The following OR1J2 variants were observed in gnomAD, a reference collection of about 807,000 sequenced individuals.
OR1J2 encodes olfactory receptor 1J2.
For missense variants in OR1J2, 304 were observed against 246.1 expected, an observed-to-expected ratio of 1.24 and a Z score of -1.57; for synonymous variants, 142 against 99.7, an observed-to-expected ratio of 1.42 and a Z score of -2.52.
the OR1J2 span, among the ~76,000 whole-genome samples, chr9:122,555,573 A>G: frequency 6.6e-6 from 1 of 152,194 alleles, no homozygotes; most frequent in East Asian, 1.9e-4. Flanking sequence ...CCAGTCACCC[A>G]GCTACACCAT....
the OR1J2 span, among the ~76,000 whole-genome samples, chr9:122,488,314 T>C: frequency 6.6e-6 from 1 of 152,136 alleles, no homozygotes; most frequent in African/African-American, 2.4e-5. Context: ...ATTTTTTGTA[T>C]TTTTAGTAGA....
chr9:122,449,398 C>G, the OR1J2 span, among the ~76,000 whole-genome samples: 1 of 152,120 alleles, frequency 6.6e-6, no homozygotes, highest in Non-Finnish European at 1.5e-5. Context: ...GAGACAGAGT[C>G]TCGCTCTGTC....
the OR1J2 span, chr9:122,568,436 G>A: frequency 6.2e-7 from 1 of 1,610,392 alleles, no homozygotes; most frequent in South Asian, 1.1e-5. Flanking sequence ...GTCCCAGGAG[G>A]ATAAACTCGG....
chr9:122,456,725 GA>G, the OR1J2 span, among the ~76,000 whole-genome samples: 3 of 152,186 alleles, frequency 2.0e-5, no homozygotes, highest in South Asian at 6.2e-4. Context: ...AGAAACAACA[GA>G]TGCTGATGAG....
chr9:122,453,171 G>T, the OR1J2 span, among the ~76,000 whole-genome samples: 1 of 152,176 alleles, frequency 6.6e-6, no homozygotes, highest in African/African-American at 2.4e-5. Context: ...AAGCTGAGCA[G>T]ATGCTGGTGT....
the OR1J2 span, chr9:122,526,406 C>G: frequency 6.6e-7 from 1 of 1,513,054 alleles, no homozygotes; most frequent in Non-Finnish European, 8.8e-7. Flanking sequence ...TTAGGGCCCC[C>G]TTCATGTCCT....
downstream of OR1J2, among the ~76,000 whole-genome samples, chr9:122,516,300 C>CTTTTTTTT (rs1278693220): frequency 2.9e-5 from 3 of 104,162 alleles, 1 homozygote; most frequent in African/African-American, 1.2e-4. Context: ...CATACATGGT[C>CTTTTTTTT]TTTTTTTTTT....
the OR1J2 span, among the ~76,000 whole-genome samples, chr9:122,541,971 C>T: frequency 1.3e-5 from 2 of 152,340 alleles, no homozygotes; most frequent in African/African-American, 4.8e-5. Context: ...AGCCAGAACA[C>T]TCCCTCTTGC....
the OR1J2 span, among the ~76,000 whole-genome samples, chr9:122,505,139 A>G: frequency 6.6e-6 from 1 of 152,220 alleles, no homozygotes; most frequent in East Asian, 1.9e-4. Context: ...AGCTGCCCGC[A>G]TATAAGCTCT....
chr9:122,472,758 G>T, the OR1J2 span, among the ~76,000 whole-genome samples: 1 of 152,212 alleles, frequency 6.6e-6, no homozygotes, highest in African/African-American at 2.4e-5. Context: ...TATTTGAAAA[G>T]ACATTTAAAA....
At chr9:122,470,125 G>T in the OR1J2 span, among the ~76,000 whole-genome samples, 1 of 152,224 alleles carries the variant, frequency 6.6e-6, no homozygotes, top group African/African-American at 2.4e-5. Flanking sequence ...GACAATGGGG[G>T]AAGTGTCTCC....
At chr9:122,550,562 T>G in the OR1J2 span, among the ~76,000 whole-genome samples, 2 of 73,012 alleles carry the variant, frequency 2.7e-5, no homozygotes, top group South Asian at 1.1e-3. Context: ...ATCAAGTGGG[T>G]TTTTTTTTTG....
chr9:122,448,597 C>A, the OR1J2 span, among the ~76,000 whole-genome samples: 6 of 152,152 alleles, frequency 3.9e-5, no homozygotes, highest in Non-Finnish European at 8.8e-5. Context: ...TTGGACAATA[C>A]CTGGCTTTCC....
the OR1J2 span, among the ~76,000 whole-genome samples, chr9:122,548,688 C>T: frequency 6.7e-6 from 1 of 149,316 alleles, no homozygotes; most frequent in Non-Finnish European, 1.5e-5. Flanking sequence ...TGGTGTGCTG[C>T]ACCCATTAAC....
the OR1J2 span, among the ~76,000 whole-genome samples, chr9:122,549,735 C>T: frequency 6.6e-6 from 1 of 152,056 alleles, no homozygotes; most frequent in Non-Finnish European, 1.5e-5. Flanking sequence ...TGTTTTTATA[C>T]TAGTACCATG....
the OR1J2 span, chr9:122,553,792 A>G: frequency 3.0e-5 from 48 of 1,613,972 alleles, no homozygotes; most frequent in Admixed American, 6.2e-4. Context: ...GCCTGCTCAG[A>G]TACCCATGTA....
At chr9:122,503,094 A>G in the OR1J2 span, among the ~76,000 whole-genome samples, 4 of 152,190 alleles carry the variant, frequency 2.6e-5, no homozygotes, top group Non-Finnish European at 4.4e-5. Flanking sequence ...GTGGTATATG[A>G]TAGGAGCAAA....
chr9:122,563,765 AATTT>A, the OR1J2 span, among the ~76,000 whole-genome samples: 2 of 152,152 alleles, frequency 1.3e-5, no homozygotes, highest in Admixed American at 6.5e-5. Flanking sequence ...TCAAGTTGTT[AATTT>A]CTTTTGAGCA....
At chr9:122,483,986 T>C in the OR1J2 span, among the ~76,000 whole-genome samples, 1 of 152,168 alleles carries the variant, frequency 6.6e-6, no homozygotes. Flanking sequence ...GTTATTAGTT[T>C]GGTGAATGCA....
Sources: gnomAD v4.1 joint callset for allele counts (sites outside exome capture counted in the v4.1 genomes callset) on GRCh38, gnomAD v4.1.1 for gene constraint, MANE v1.5 for transcripts, NCBI Gene and HGNC (gene_info 2026-07-23, HGNC 2026-07-21) for gene names.